Variants in BRWD3 observed in about 807,000 individuals in gnomAD.
The protein encoded by BRWD3 is bromodomain and WD repeat-containing protein 3.
BRWD3 carries 10 observed loss-of-function variants against 149.7 expected under a neutral mutation model. The observed-to-expected ratio is 0.07, with a 90% CI of 0.04 to 0.11. The LOEUF is 0.11. Ranked by LOEUF, BRWD3 falls within the 10% of genes least tolerant of loss-of-function variation. The pLI is 1.00. For missense variants in BRWD3, 940 were observed against 1,373.2 expected, an observed-to-expected ratio of 0.68 and a Z score of 4.99; for synonymous variants, 504 against 456.7, an observed-to-expected ratio of 1.10 and a Z score of -1.32.
chrX:80,684,082 A>G lies in BRWD3; in HGVS notation c.4161T>C (p.Pro1387=). ...ETLEAGNYGS[P]LEFYKDVRQI... Reference sequence around the variant, plus strand: ...GGCGAACATCCTTATAAAATTCCAGAGGACTACCATAGTTTCCTGCTTCCA... The same window carrying G: ...GGCGAACATCCTTATAAAATTCCAGGGGACTACCATAGTTTCCTGCTTCCA... The change falls in exon 37 of 41, where the codon CCT becomes CCC. Residue 1387 remains proline (P), a synonymous_variant. Coordinates refer to ENST00000373275, the MANE Select transcript of BRWD3 (RefSeq NM_153252.5). The G allele has an allele frequency of 1.7e-6, 2 of 1,205,902 alleles. No homozygotes were observed. The highest frequency in any genetic ancestry group is 2.2e-6 in the Non-Finnish European group (2 of 890,454).
At chrX:80,738,385 GA>G (rs1167123277) in intron 8 of BRWD3, among the ~76,000 whole-genome samples, 4 of 111,501 alleles carry the variant, frequency 3.6e-5, no homozygotes, top group African/African-American at 1.3e-4. Flanking sequence ...TGGAAAAACA[GA>G]AAAAAAGTAA....
intron 6 of BRWD3, among the ~76,000 whole-genome samples, chrX:80,780,529 A>T (rs1245908367): frequency 8.9e-6 from 1 of 111,898 alleles, no homozygotes; most frequent in Non-Finnish European, 1.9e-5. Flanking sequence ...TTCAGTTTCC[A>T]TGTGGCAACA....
chrX:80,709,573 T>C lies in BRWD3; in HGVS notation c.2330A>G (p.Asp777Gly). 3.3e-6 allele frequency: 4 copies of C among 1,208,305 alleles called. No homozygotes were observed. Among genetic ancestry groups the C allele is most frequent in the Non-Finnish European group, 4.5e-6 (4 of 893,632 alleles). The change falls in exon 21 of 41, where the codon GAT becomes GGT. Residue 777 changes from aspartate (D) to glycine (G), a missense_variant. Transcript: ENST00000373275. ...KKPSYTTQRN[D>G]YEPSCGRSLR... ...AGAACGCCCACAGCTAGGCTCATAA[T>C]CATTCTGTAAAAGAGAAGAATAATA...
chrX:80,690,916 G>T, intron 31 of BRWD3, 137 bp downstream of exon 31: 1 of 719,927 alleles, frequency 1.4e-6, no homozygotes, highest in Non-Finnish European at 2.0e-6. Context: ...GGAAATTAAT[G>T]TTCTAAATTT....
chrX:80,679,506 T>C (rs1442566194), intron 40 of BRWD3, among the ~76,000 whole-genome samples: 3 of 112,140 alleles, frequency 2.7e-5, no homozygotes, highest in Non-Finnish European at 5.6e-5. Flanking sequence ...AAGCTCTGCA[T>C]ATGCATTTGG....
chrX:80,802,297 C>G (rs1218527510), intron 4 of BRWD3, among the ~76,000 whole-genome samples: 2 of 108,852 alleles, frequency 1.8e-5, no homozygotes, highest in Admixed American at 2.0e-4. Context: ...CAAAAATTAC[C>G]CAGGTCTGGT....
intron 8 of BRWD3, among the ~76,000 whole-genome samples, chrX:80,738,486 T>C (rs1438628517): frequency 9.0e-6 from 1 of 111,390 alleles, no homozygotes; most frequent in African/African-American, 3.3e-5. Flanking sequence ...CGTGGGAGAA[T>C]AATATATCAC....
intron 6 of BRWD3, among the ~76,000 whole-genome samples, chrX:80,767,234 C>T (rs1485413721): frequency 8.9e-6 from 1 of 112,346 alleles, no homozygotes; most frequent in Non-Finnish European, 1.9e-5. Context: ...AAAGAACCGA[C>T]AAACTGCCTC....
Position 80,728,810 on chromosome X carries a change from T to C in BRWD3, c.1328A>G (p.Asn443Ser), listed in dbSNP as rs756319809. The change falls in exon 14 of 41, where the codon AAC becomes AGC. Residue 443 changes from asparagine (N) to serine (S), a missense_variant. Around this residue, in one of 6 missense-constraint regions of BRWD3, gnomAD observed 209 missense variants for 396.8 expected, o/e 0.53. Coordinates refer to ENST00000373275, the MANE Select transcript of BRWD3 (RefSeq NM_153252.5). ...RYDTTVITAV[N>S]NFLLKVWNSI... is the part of the protein sequence containing the mutation. ...ATTCCACACTTTCAAAAGAAAATTG[T>C]TCACTGCAGTAATAACTGTGGTATC... is the stretch of plus-strand genomic sequence containing the variant. 6 of 1,204,737 alleles carry C rather than the reference T, an allele frequency of 5.0e-6. No individual in the cohort carries two copies. The highest frequency in any genetic ancestry group is 3.0e-5 in the East Asian group (1 of 33,779).
chrX:80,678,623 G>A (rs1410918506), intron 40 of BRWD3, among the ~76,000 whole-genome samples: 1 of 111,632 alleles, frequency 9.0e-6, no homozygotes, highest in African/African-American at 3.3e-5. Flanking sequence ...TAAGTAAAGA[G>A]AGACAACGTG....
chrX:80,700,017 C>T lies in BRWD3; in HGVS notation c.2883G>A (p.Arg961=). 8.3e-7 allele frequency: 1 copy of T among 1,210,103 alleles called. No homozygotes were observed. The highest frequency in any genetic ancestry group is 1.1e-6 in the Non-Finnish European group (1 of 894,707). The part of the protein sequence containing the change: ...QGHEAYVRAV[R]KSKIYSVNLQ... Reference sequence around the variant, plus strand: ...AATTAACACTGTATATTTTCGATTTCCTTACAGCCCGAACATAAGCTTCAT... The same window carrying T: ...AATTAACACTGTATATTTTCGATTTTCTTACAGCCCGAACATAAGCTTCAT... Residue 961 remains arginine (R), a synonymous_variant, in exon 25 of 41, where the codon AGG becomes AGA. Transcript: ENST00000373275.
At chrX:80,791,991 GT>G (rs759668223) in intron 5 of BRWD3, 39 bp from the exon 6 acceptor site, 791 of 794,404 alleles carry the variant, frequency 1.0e-3, no homozygotes, top group Admixed American at 1.3e-3. Flanking sequence ...GAATAGAGCA[GT>G]TTTTTTTTTA....
intron 6 of BRWD3, among the ~76,000 whole-genome samples, chrX:80,759,271 G>C (rs1454982941): frequency 1.3e-4 from 14 of 111,925 alleles, no homozygotes; most frequent in Admixed American, 7.6e-4. Context: ...CTAAAATTTT[G>C]TCTGGGGTTA....
chrX:80,708,210 A>G (rs2072897552), intron 21 of BRWD3, among the ~76,000 whole-genome samples: 1 of 110,061 alleles, frequency 9.1e-6, no homozygotes, highest in African/African-American at 3.3e-5. Context: ...AGCCTGACCA[A>G]TATGGTGAAA....
At chrX:80,705,968 T>G (rs1438221373) in intron 22 of BRWD3, among the ~76,000 whole-genome samples, 1 of 112,445 alleles carries the variant, frequency 8.9e-6, no homozygotes, top group East Asian at 2.8e-4. Context: ...ACACTGAATT[T>G]ATAAAAAATA....
rs376669673 is a variant in BRWD3 at position 80,694,929 on chromosome X, C to T, written c.3151+979G>A. 2.7e-5 allele frequency among the ~76,000 whole-genome samples: 3 copies of T among 110,775 alleles called. No individual in the cohort carries two copies. In the Admixed American group the frequency reaches 2.9e-4, roughly 11 times the overall value. ...CTGTTGATTGGTTTTGAAATGAGAA[C>T]ATGAGATTTGGGAGGTGCCAGGGGC... On this transcript the variant is annotated intron_variant, in intron 27 of 40. Coordinates refer to ENST00000373275, the MANE Select transcript of BRWD3 (RefSeq NM_153252.5).
chrX:80,693,118 A>C, intron 27 of BRWD3, 67 bp from the exon 28 acceptor site: 2 of 881,464 alleles, frequency 2.3e-6, no homozygotes, highest in Non-Finnish European at 1.7e-6. Context: ...ACTCTAAATT[A>C]CTACTTTTTG....
At chrX:80,807,753 C>G (rs532618240) in intron 4 of BRWD3, among the ~76,000 whole-genome samples, 1 of 111,667 alleles carries the variant, frequency 9.0e-6, no homozygotes, top group Admixed American at 9.6e-5. Flanking sequence ...AAAGTATATT[C>G]CATTTTTAAA....
chrX:80,756,968 G>A (rs755384569), intron 6 of BRWD3, among the ~76,000 whole-genome samples: 2 of 111,374 alleles, frequency 1.8e-5, no homozygotes, highest in Admixed American at 9.5e-5. Flanking sequence ...CTAGAGATGA[G>A]CAATTTAACT....
Sources: gnomAD v4.1 joint callset for allele counts (sites outside exome capture counted in the v4.1 genomes callset) on GRCh38, gnomAD v4.1.1 for gene constraint, gnomAD v4.1.1 regional missense constraint, MANE v1.5 for transcripts, NCBI Gene and HGNC (gene_info 2026-07-23, HGNC 2026-07-21) for gene names.